Variants in ZNF282 observed in about 807,000 individuals in gnomAD.
ZNF282 encodes zinc finger protein 282, also known as HTLV-I U5 repressive element-binding protein 1.
Under a neutral mutation model 61.9 loss-of-function variants are expected in ZNF282, and 30 were observed. The ratio of observed to expected loss-of-function variants is 0.48; its 90% CI spans 0.36 to 0.66. The LOEUF (loss-of-function observed/expected upper bound fraction) is 0.66, where lower values mean the gene tolerates loss of function less well. Among genes scored for constraint, ZNF282 ranks in the 30% least tolerant of loss-of-function variants. ZNF282 has a pLI of 0.00. For missense variants in ZNF282, 788 were observed against 941.4 expected, an observed-to-expected ratio of 0.84 and a Z score of 2.13; for synonymous variants, 396 against 405.0, an observed-to-expected ratio of 0.98 and a Z score of 0.27.
At chr7:149,204,419 T>C (rs926048658) in intron 2 of ZNF282, among the ~76,000 whole-genome samples, 9 of 151,988 alleles carry the variant, frequency 5.9e-5, no homozygotes, top group Non-Finnish European at 1.3e-4. Flanking sequence ...TCCCAGTGAA[T>C]GGGGAGGGCA....
intron 7 of ZNF282, among the ~76,000 whole-genome samples, chr7:149,218,211 C>T (rs546689072): frequency 3.2e-4 from 49 of 151,762 alleles, no homozygotes; most frequent in Non-Finnish European, 4.9e-4. Flanking sequence ...GCGGGGGGTG[C>T]GGAGCCATGT....
chr7:149,211,221 G>A (rs529103014), intron 5 of ZNF282, among the ~76,000 whole-genome samples: 8 of 152,328 alleles, frequency 5.3e-5, no homozygotes, highest in African/African-American at 1.9e-4. Context: ...TATAGCAGAT[G>A]TATGTATCAA....
In ZNF282 at chr7:149,206,603, T is replaced by C. The variant is rs148870791; in HGVS notation, c.586-93T>C. On this transcript the variant is annotated intron_variant, in intron 2 of 7. Coordinates refer to ENST00000610704, the MANE Select transcript of ZNF282 (RefSeq NM_003575.4). Reference sequence around the variant, plus strand: ...AGCCACGGAGAGCAAAGGCCGGGCTTTGGTGGGGAGTGGGTCTTGTGGCCC... The same window carrying C: ...AGCCACGGAGAGCAAAGGCCGGGCTCTGGTGGGGAGTGGGTCTTGTGGCCC... The C allele has an allele frequency of 3.1e-4, 491 of 1,567,170 alleles. 1 individual carries two copies. The African/African-American group carries it at 5.6e-3, about 18-fold the overall frequency.
intron 7 of ZNF282, among the ~76,000 whole-genome samples, chr7:149,217,749 G>A (rs1796181721): frequency 6.6e-6 from 1 of 152,120 alleles, no homozygotes; most frequent in Admixed American, 6.5e-5. Context: ...GGCCTCCGAG[G>A]GGAAGCGGTG....
intron 7 of ZNF282, among the ~76,000 whole-genome samples, chr7:149,221,091 T>C (rs1796241872): frequency 6.6e-6 from 1 of 152,146 alleles, no homozygotes; most frequent in South Asian, 2.1e-4. Context: ...AATTTTTAAA[T>C]GTTTTTTTGT....
chr7:149,216,637 T>A (rs1289498797), intron 7 of ZNF282, among the ~76,000 whole-genome samples: 4 of 152,190 alleles, frequency 2.6e-5, no homozygotes, highest in Admixed American at 2.6e-4. Flanking sequence ...AGTATTGTGG[T>A]TGCCAGGGAC....
chr7:149,224,814 CTGA>C lies in ZNF282; in HGVS notation c.*168_*170del. ...CAGGGATCCCCCAGATCTGTCTGGT[CTGA>C]ATGGACGCCCAGCTCATCTAGGGTG... On this transcript the variant is annotated 3_prime_UTR_variant, in exon 8 of 8. Coordinates refer to ENST00000610704, the MANE Select transcript of ZNF282 (RefSeq NM_003575.4). 1 of 1,242,560 alleles carries C rather than the reference CTGA, an allele frequency of 8.0e-7. No individual in the cohort carries two copies. The highest frequency in any genetic ancestry group is 1.1e-6 in the Non-Finnish European group (1 of 926,050). The allele number at this position is 1,242,560 out of a possible 1,614,324, so 77.0% of individuals were successfully genotyped here.
At chr7:149,207,494 G>A (rs548284368) in intron 4 of ZNF282, 24 bp downstream of exon 4, 78 of 1,556,056 alleles carry the variant, frequency 5.0e-5, no homozygotes, top group African/African-American at 6.8e-5. Flanking sequence ...AAGAGAGTGC[G>A]GGGTCCAGGG....
chr7:149,201,669 T>C (rs1430396739), intron 2 of ZNF282, among the ~76,000 whole-genome samples: 2 of 152,096 alleles, frequency 1.3e-5, no homozygotes, highest in Non-Finnish European at 2.9e-5. Context: ...GGAGAATTGC[T>C]TGAACCTGGG....
chr7:149,208,948 G>C (rs1348715293), intron 4 of ZNF282, among the ~76,000 whole-genome samples: 3 of 147,922 alleles, frequency 2.0e-5, no homozygotes, highest in Non-Finnish European at 4.5e-5. Flanking sequence ...TGGAACCCGG[G>C]AGGTGGAGGT....
At chr7:149,220,133 G>A (rs764505467) in intron 7 of ZNF282, among the ~76,000 whole-genome samples, 21 of 152,174 alleles carry the variant, frequency 1.4e-4, no homozygotes, top group Non-Finnish European at 2.6e-4. Context: ...AAGAAGCCGG[G>A]CACGGTGGCT....
chr7:149,198,588 G>A lies in ZNF282; in HGVS notation c.421G>A (p.Val141Met), dbSNP rs1294301387. 3.7e-6 allele frequency: 6 copies of A among 1,614,188 alleles called. No homozygotes were observed. Among genetic ancestry groups the A allele is most frequent in the East Asian group, 4.5e-5 (2 of 44,882 alleles). ...GCTGGCCGACTGTGAAAAGACGGCCGTGGAATTTGGGAACCACATGGAGAG... is the reference window on the plus strand; with the variant it reads ...GCTGGCCGACTGTGAAAAGACGGCCATGGAATTTGGGAACCACATGGAGAG... ...KKLADCEKTA[V>M]EFGNHMESKW... Residue 141 changes from valine to methionine, a missense_variant, in exon 2 of 8, where the codon GTG becomes ATG. This residue lies in a region of ZNF282 where 92 missense variants were observed against 163.9 expected (regional missense o/e 0.56). Transcript: ENST00000610704. This position sits in a 1 kb window ranked among gnomAD's most constrained non-coding sequence, Gnocchi z 4.3.
chr7:149,201,007 T>G (rs1370074371), intron 2 of ZNF282, among the ~76,000 whole-genome samples: 1 of 152,220 alleles, frequency 6.6e-6, no homozygotes, highest in African/African-American at 2.4e-5. Context: ...AATGCCAGAT[T>G]CACATTCCTA....
At chr7:149,211,148 C>G (rs1456757061) in intron 5 of ZNF282, among the ~76,000 whole-genome samples, 1 of 152,238 alleles carries the variant, frequency 6.6e-6, no homozygotes, top group Non-Finnish European at 1.5e-5. Flanking sequence ...TACCTGCGGT[C>G]CTGTGAGGGA....
Position 149,212,458 on chromosome 7 carries a change from G to A in ZNF282, c.1053G>A (p.Thr351=), listed in dbSNP as rs1157395662. ...ATTTGGCAGACAGAGATATTCCCAC[G>A]GATCCCAATTCAGGTGAGAACAAGG... ...QQDLADRDIP[T]DPNSESLISA... Residue 351 remains threonine (T), a synonymous_variant, in exon 6 of 8, where the codon ACG becomes ACA. Transcript: ENST00000610704. The A allele has an allele frequency of 3.7e-6, 6 of 1,611,532 alleles. No homozygotes were observed. Among genetic ancestry groups the A allele is most frequent in the African/African-American group, 1.3e-5 (1 of 74,940 alleles).
At chr7:149,196,231 G>A (rs1049627293) in intron 1 of ZNF282, among the ~76,000 whole-genome samples, 3 of 152,248 alleles carry the variant, frequency 2.0e-5, no homozygotes, top group Non-Finnish European at 1.5e-5. Context: ...TTCACCAAGT[G>A]TAATGAGTAA....
rs1448887036 is a variant in ZNF282, at chr7:149,224,100, C to T, written c.1469C>T (p.Thr490Met). ...GGGGGCGGCGGCGCGGAGGCGGGGA[C>T]GGGGGCAGGCGGCGGCTGTGGCAGC... Reference protein sequence around the residue: ...GGGGGGAEAGTGAGGGCGSCC... With the variant: ...GGGGGGAEAGMGAGGGCGSCC... The change falls in exon 8 of 8, where the codon ACG becomes ATG. Residue 490 changes from threonine to methionine, a missense_variant. Around this residue, in one of 3 missense-constraint regions of ZNF282, gnomAD observed 559 missense variants for 642.0 expected, o/e 0.87. Coordinates refer to ENST00000610704, the MANE Select transcript of ZNF282 (RefSeq NM_003575.4). 31 of 1,388,368 alleles carry T rather than the reference C, an allele frequency of 2.2e-5. No individual in the cohort carries two copies. Among genetic ancestry groups the T allele is most frequent in the Middle Eastern group, 2.7e-4 (1 of 3,690 alleles). 86.0% of individuals were successfully genotyped at this position (1,388,368 alleles called of 1,614,324 possible). A position where few individuals can be genotyped will look rare whatever the true frequency, so the allele number is the denominator to read the frequency against.
chr7:149,217,807 T>G (rs1291330614), intron 7 of ZNF282, among the ~76,000 whole-genome samples: 4 of 151,850 alleles, frequency 2.6e-5, no homozygotes, highest in Non-Finnish European at 5.9e-5. Context: ...GCCGTGGGGT[T>G]GCAGGGGGAA....
At position 149,224,266 on chromosome 7, in the gene ZNF282, C is replaced by G. The variant is rs1796321567; in HGVS notation, c.1635C>G (p.Pro545=). 1.2e-6 allele frequency: 2 copies of G among 1,612,918 alleles called. No individual in the cohort carries two copies. Among genetic ancestry groups the G allele is most frequent in the Non-Finnish European group, 1.7e-6 (2 of 1,179,876 alleles). The change falls in exon 8 of 8, where the codon CCC becomes CCG. Residue 545 remains proline (P), a synonymous_variant. Transcript: ENST00000610704. The part of the protein sequence containing the change: ...IHHRSHTKER[P]YECAECEKSF... ...ACCGCAGCCACACCAAGGAGCGGCC[C>G]TACGAGTGCGCTGAGTGCGAGAAGA...
Sources: gnomAD v4.1 joint callset for allele counts (sites outside exome capture counted in the v4.1 genomes callset) on GRCh38, gnomAD v4.1.1 for gene constraint, gnomAD v4.1.1 regional missense constraint, Gnocchi (gnomAD v3.1) non-coding constraint, MANE v1.5 for transcripts, NCBI Gene and HGNC (gene_info 2026-07-23, HGNC 2026-07-21) for gene names.